Variants in DCAF8L2 observed in about 807,000 individuals in gnomAD.
DCAF8L2 encodes the protein DDB1 and CUL4 associated factor 8 like 2, also known as DDB1- and CUL4-associated factor 8-like protein 2.
For missense variants in DCAF8L2, 430 were observed against 490.7 expected, an observed-to-expected ratio of 0.88 and a Z score of 1.17; for synonymous variants, 200 against 190.9, an observed-to-expected ratio of 1.05 and a Z score of -0.39.
chrX:27,515,845 A>G, the DCAF8L2 span, among the ~76,000 whole-genome samples: 4 of 112,068 alleles, frequency 3.6e-5, no homozygotes, highest in African/African-American at 9.7e-5. Flanking sequence ...TACTGCAGGT[A>G]GGAACATTCT....
intron 2 of DCAF8L2, chrX:27,633,799 C>T (rs1163060987): frequency 1.8e-5 from 2 of 111,465 alleles, no homozygotes; most frequent in East Asian, 2.8e-4. Flanking sequence ...TTCTGGCAAC[C>T]GCTTCAAAGC....
At chrX:27,588,866 T>A (rs1047598783), upstream of DCAF8L2, among the ~76,000 whole-genome samples, 12 of 110,754 alleles carry the variant, frequency 1.1e-4, no homozygotes, top group African/African-American at 3.9e-4. Context: ...GTTATTCCCA[T>A]TTACACACAC....
At chrX:27,526,668 G>A in the DCAF8L2 span, among the ~76,000 whole-genome samples, 13 of 111,974 alleles carry the variant, frequency 1.2e-4, no homozygotes, top group South Asian at 4.9e-3. Context: ...ATCTACCTTT[G>A]GTCTTTGATG....
the DCAF8L2 span, among the ~76,000 whole-genome samples, chrX:27,502,336 ATATATATAT>A: frequency 0.02 from 214 of 10,878 alleles, 7 homozygotes; most frequent in African/African-American, 0.06. Flanking sequence ...AAAAAAAAAA[ATATATATAT>A]ATATATATAT....
At chrX:27,671,784 C>T (rs1211579940) in intron 2 of DCAF8L2, among the ~76,000 whole-genome samples, 2 of 111,852 alleles carry the variant, frequency 1.8e-5, no homozygotes, top group African/African-American at 6.5e-5. Context: ...TCTGTGTTTT[C>T]TGTCACTTTC....
At chrX:27,705,083 T>C (rs1391205691) in intron 3 of DCAF8L2, among the ~76,000 whole-genome samples, 5 of 110,850 alleles carry the variant, frequency 4.5e-5, no homozygotes, top group Non-Finnish European at 9.5e-5. Context: ...GTGTTAGTTT[T>C]CAAAAGAAAA....
intron 1 of DCAF8L2, among the ~76,000 whole-genome samples, chrX:27,594,308 G>A (rs1366196191): frequency 1.8e-5 from 2 of 111,451 alleles, no homozygotes; most frequent in African/African-American, 6.5e-5. Flanking sequence ...GCATTTTTCT[G>A]AGTTTTATTT....
chrX:27,546,762 G>A, the DCAF8L2 span, among the ~76,000 whole-genome samples: 8 of 112,046 alleles, frequency 7.1e-5, no homozygotes, highest in African/African-American at 2.6e-4. Flanking sequence ...AGCTGAAGTG[G>A]CTGAGACACA....
chrX:27,581,420 A>T, the DCAF8L2 span, among the ~76,000 whole-genome samples: 4 of 111,415 alleles, frequency 3.6e-5, no homozygotes, highest in South Asian at 1.5e-3. Flanking sequence ...TTTTTCTAAT[A>T]TATCTTTACT....
At chrX:27,507,884 T>A in the DCAF8L2 span, among the ~76,000 whole-genome samples, 1 of 111,479 alleles carries the variant, frequency 9.0e-6, no homozygotes, top group East Asian at 2.8e-4. Context: ...TATGTAAATA[T>A]ATGACACAGT....
At chrX:27,483,257 A>G in the DCAF8L2 span, among the ~76,000 whole-genome samples, 1 of 111,747 alleles carries the variant, frequency 8.9e-6, no homozygotes, top group Non-Finnish European at 1.9e-5. Flanking sequence ...TATGCATAAG[A>G]CAAGATAATA....
In DCAF8L2 at chrX:27,598,974, AAT is replaced by A. The variant is rs1555917080; in HGVS notation, c.-342+8551_-342+8552del. Among the ~76,000 whole-genome samples, 689 of 92,165 alleles carry A rather than the reference AAT, an allele frequency of 7.5e-3. 7 individuals are homozygous for A. The highest frequency in any genetic ancestry group is 0.017 in the East Asian group (49 of 2,912). The allele number at this position is 92,165 out of a possible 115,157, so 80.0% of individuals were successfully genotyped here. The stretch of plus-strand genomic sequence containing the variant: ...GGAAAGTTTCTCAAAAAAAAAAAAA[AAT>A]ATATATATATATATATGATCCAGCA... On this transcript the variant is annotated intron_variant, in intron 1 of 4. Transcript: ENST00000451261.
the DCAF8L2 span, among the ~76,000 whole-genome samples, chrX:27,560,720 T>C: frequency 4.0e-3 from 449 of 112,401 alleles, 2 homozygotes; most frequent in Non-Finnish European, 6.3e-3. Flanking sequence ...TGGGAAATAG[T>C]TCCATTTCTA....
At chrX:27,621,961 C>T (rs1348556706) in intron 1 of DCAF8L2, among the ~76,000 whole-genome samples, 3 of 109,428 alleles carry the variant, frequency 2.7e-5, no homozygotes, top group East Asian at 5.7e-4. Context: ...CCATGCAATC[C>T]AGCCTGGGTG....
upstream of DCAF8L2, among the ~76,000 whole-genome samples, chrX:27,587,643 T>C (rs1307039234): frequency 9.0e-6 from 1 of 111,427 alleles, no homozygotes; most frequent in Non-Finnish European, 1.9e-5. Context: ...GGATCCAAAA[T>C]TGAACTAATA....
At chrX:27,670,534 A>G (rs2147225190) in intron 2 of DCAF8L2, among the ~76,000 whole-genome samples, 1 of 111,302 alleles carries the variant, frequency 9.0e-6, no homozygotes, top group East Asian at 2.8e-4. Context: ...GTGCTGATAG[A>G]ATTGGTTTAG....
At chrX:27,612,228 G>GC (rs1927221274) in intron 1 of DCAF8L2, among the ~76,000 whole-genome samples, 1 of 111,918 alleles carries the variant, frequency 8.9e-6, no homozygotes, top group Non-Finnish European at 1.9e-5. Flanking sequence ...TCTGTTGGCT[G>GC]CATGTGTCTG....
intron 2 of DCAF8L2, among the ~76,000 whole-genome samples, chrX:27,636,637 A>T (rs5926847): frequency 9.1e-6 from 1 of 109,849 alleles, no homozygotes; most frequent in African/African-American, 3.3e-5. Context: ...AAACCTGAAC[A>T]CATCTCTATT....
At chrX:27,513,267 T>C in the DCAF8L2 span, among the ~76,000 whole-genome samples, 1 of 112,090 alleles carries the variant, frequency 8.9e-6, no homozygotes, top group Non-Finnish European at 1.9e-5. Flanking sequence ...CTAAAAAGCA[T>C]CTTCAGAGCA....
Sources: allele counts gnomAD v4.1 joint callset (sites outside exome capture counted in the v4.1 genomes callset), GRCh38; gene constraint gnomAD v4.1.1; transcripts MANE v1.5; gene names NCBI Gene and HGNC (gene_info 2026-07-23, HGNC 2026-07-21).